PNLIP: variants seen among roughly 807,000 people sequenced by gnomAD.
PNLIP encodes pancreatic lipase.
Under a neutral mutation model 57.1 loss-of-function variants are expected in PNLIP, and 49 were observed. That is an observed-to-expected ratio of 0.86 (90% CI 0.68 to 1.09). The LOEUF (loss-of-function observed/expected upper bound fraction) is 1.09, where lower values mean the gene tolerates loss of function less well. PNLIP is among the 50% of genes least tolerant of loss of function. The probability of loss-of-function intolerance (pLI) is 0.00; values close to 1 mark genes in which losing one functional copy is unlikely to be tolerated. For missense variants in PNLIP, 503 were observed against 570.2 expected (o/e 0.88, Z 1.20); for synonymous variants, 209 against 200.4 (o/e 1.04, Z -0.36).
intron 9 of PNLIP, among the ~76,000 whole-genome samples, chr10:116,557,398 G>C (rs1305685931): frequency 6.6e-6 from 1 of 152,186 alleles, no homozygotes; most frequent in African/African-American, 2.4e-5. Flanking sequence ...GCTGGGGCCA[G>C]GTGATCTGGT....
chr10:116,548,226 G>A (rs1199383818), intron 3 of PNLIP, 134 bp from the exon 4 acceptor site: 2 of 760,862 alleles, frequency 2.6e-6, no homozygotes, highest in Non-Finnish European at 4.3e-6. Context: ...GAATACTGTG[G>A]TTGCTATGGA....
chr10:116,556,223 G>A, intron 9 of PNLIP, 105 bp downstream of exon 9: 3 of 690,330 alleles, frequency 4.3e-6, no homozygotes, highest in Non-Finnish European at 5.2e-6. Flanking sequence ...TTATACTTTT[G>A]AACTTATACA....
intron 4 of PNLIP, among the ~76,000 whole-genome samples, chr10:116,550,146 C>T (rs564168379): frequency 2.2e-3 from 326 of 150,094 alleles, no homozygotes; most frequent in Middle Eastern, 6.8e-3. Context: ...GCAAGCTCCG[C>T]CTCCCGGGTT....
At chr10:116,555,639 T>C (rs1312684328) in intron 8 of PNLIP, 132 bp downstream of exon 8, 1 of 1,052,298 alleles carries the variant, frequency 9.5e-7, no homozygotes, top group Non-Finnish European at 1.4e-6. Context: ...ATTGTATCCA[T>C]GAGATGTAGG....
chr10:116,546,571 G>A (rs1321549384), intron 2 of PNLIP, among the ~76,000 whole-genome samples: 1 of 152,104 alleles, frequency 6.6e-6, no homozygotes. Context: ...CTGCAAAATG[G>A]GGAGAGTCGG....
At position 116,546,119 on chromosome 10, in the gene PNLIP, G is replaced by A; in HGVS notation, c.27G>A (p.Leu9=). The A allele has an allele frequency of 6.2e-7, 1 of 1,613,624 alleles. No individual in the cohort carries two copies. Residue 9 remains leucine (L), a synonymous_variant, in exon 2 of 13, where the codon CTG becomes CTA. Coordinates refer to ENST00000369221, the MANE Select transcript of PNLIP (RefSeq NM_000936.4). MLPLWTLS[L]LLGAVAGKEV... ...TGCTGCCACTTTGGACTCTTTCACT[G>A]CTGCTGGGAGCAGTAGCAGGTAAGA... is the stretch of plus-strand genomic sequence containing the variant.
chr10:116,558,568 G>C (rs1847280812), intron 9 of PNLIP, among the ~76,000 whole-genome samples: 2 of 150,876 alleles, frequency 1.3e-5, no homozygotes, highest in Non-Finnish European at 2.9e-5. Context: ...AGGCAAAAGA[G>C]AAAAAATAGA....
Position 116,562,237 on chromosome 10 carries a change from A to G in PNLIP, c.1334+601A>G, listed in dbSNP as rs148006476. 6.3e-3 allele frequency among the ~76,000 whole-genome samples: 961 copies of G among 152,316 alleles called. 7 individuals are homozygous for G. Among genetic ancestry groups the G allele is most frequent in the African/African-American group, 0.022 (930 of 41,576 alleles). On this transcript the variant is annotated intron_variant, in intron 12 of 12. Coordinates refer to ENST00000369221, the MANE Select transcript of PNLIP (RefSeq NM_000936.4). The stretch of plus-strand genomic sequence containing the variant: ...CTGAGGCAAGCACTGTGCTTCTGTC[A>G]TTCTATCCTTCCATCCTCATAAAAA...
intron 4 of PNLIP, among the ~76,000 whole-genome samples, chr10:116,550,034 G>A (rs1847173615): frequency 7.5e-6 from 1 of 134,086 alleles, no homozygotes; most frequent in South Asian, 2.6e-4. Flanking sequence ...TTCTAAGATT[G>A]TTCCATTATT....
chr10:116,555,987 G>C lies in PNLIP; in HGVS notation c.812-13G>C. The C allele has an allele frequency of 6.7e-7, 1 of 1,485,758 alleles. No individual in the cohort carries two copies. Among genetic ancestry groups the C allele is most frequent in the Non-Finnish European group, 9.4e-7 (1 of 1,063,342 alleles). The allele number at this position is 1,485,758 out of a possible 1,614,324, so 92.0% of individuals were successfully genotyped here. ...AAATCTGTCCTTGATGTGTAATTGT[G>C]TCTGATTCAAAGGGACTCGAGACTT... is the stretch of plus-strand genomic sequence containing the variant. On this transcript the variant is annotated splice_polypyrimidine_tract_variant and intron_variant, in intron 8 of 12. Coordinates refer to ENST00000369221, the MANE Select transcript of PNLIP (RefSeq NM_000936.4).
At position 116,551,173 on chromosome 10, in the gene PNLIP, G is replaced by C; in HGVS notation, c.400G>C (p.Ala134Pro). 1.9e-6 allele frequency: 3 copies of C among 1,612,774 alleles called. No individual in the cohort carries two copies. Among genetic ancestry groups the C allele is most frequent in the Non-Finnish European group, 2.5e-6 (3 of 1,179,426 alleles). ...TGGCTCCCGAACTGGATACACACAA[G>C]CCTCGCAGAACATCAGGATCGTGGG... ...KGGSRTGYTQ[A>P]SQNIRIVGAE... Residue 134 changes from alanine (A) to proline (P), a missense_variant, in exon 5 of 13, where the codon GCC becomes CCC. Transcript: ENST00000369221.
chr10:116,545,979 C>T, intron 1 of PNLIP, 21 bp downstream of exon 1: 1 of 878,110 alleles, frequency 1.1e-6, no homozygotes, highest in South Asian at 1.5e-5. Flanking sequence ...AACATGTTTT[C>T]CAGGCCTAAT....
At chr10:116,550,967 G>A (rs1847184161) in intron 4 of PNLIP, 131 bp from the exon 5 acceptor site, 2 of 647,814 alleles carry the variant, frequency 3.1e-6, no homozygotes, top group Non-Finnish European at 4.8e-6. Flanking sequence ...TAAAAGTTTT[G>A]TCAATTGCAT....
At position 116,550,840 on chromosome 10, in the gene PNLIP, C is replaced by T. The variant is rs112208669; in HGVS notation, c.325-258C>T. On this transcript the variant is annotated intron_variant, in intron 4 of 12. Coordinates refer to ENST00000369221, the MANE Select transcript of PNLIP (RefSeq NM_000936.4). ...ACAGTTTATACACTTTTTTCTTGAA[C>T]TAAATGTCTCTGTATCTGCTACAGT... Among the ~76,000 whole-genome samples the T allele has an allele frequency of 3.7e-3, 558 of 152,270 alleles. 4 individuals carry two copies. Among genetic ancestry groups the T allele is most frequent in the African/African-American group, 0.013 (529 of 41,552 alleles).
intron 12 of PNLIP, among the ~76,000 whole-genome samples, chr10:116,564,420 G>A (rs935781860): frequency 6.6e-6 from 1 of 152,052 alleles, no homozygotes; most frequent in East Asian, 1.9e-4. Flanking sequence ...TGTTAACCTG[G>A]AATTTATACC....
rs1445702159 is a variant in PNLIP at position 116,567,755 on chromosome 10, A to G, written c.1355A>G (p.Glu452Gly). The G allele has an allele frequency of 6.2e-7, 1 of 1,613,968 alleles. No individual in the cohort carries two copies. Among genetic ancestry groups the G allele is most frequent in the Non-Finnish European group, 8.5e-7 (1 of 1,179,904 alleles). ...CACAGGTTCAACTTCTGTAGTCCAG[A>G]AACCGTCAGGGAGGAAGTTCTGCTC... ...VGKQFNFCSP[E>G]TVREEVLLTL... Residue 452 changes from glutamate to glycine, a missense_variant, in exon 13 of 13, where the codon GAA (glutamate) becomes GGA (glycine). Transcript: ENST00000369221.
chr10:116,561,403 A>T, intron 11 of PNLIP, 69 bp from the exon 12 acceptor site: 7 of 1,197,122 alleles, frequency 5.8e-6, no homozygotes, highest in Non-Finnish European at 8.3e-6. Flanking sequence ...ACTTACATAC[A>T]CACAAATATA....
chr10:116,549,911 A>G (rs1464032106), intron 4 of PNLIP, among the ~76,000 whole-genome samples: 1 of 152,168 alleles, frequency 6.6e-6, no homozygotes, highest in Non-Finnish European at 1.5e-5. Context: ...TTAAACTAGA[A>G]GGATAAAGGT....
chr10:116,546,913 G>C (rs982432537), intron 2 of PNLIP, among the ~76,000 whole-genome samples: 1 of 152,138 alleles, frequency 6.6e-6, no homozygotes, highest in Non-Finnish European at 1.5e-5. Context: ...TAAAATTTTA[G>C]CTCTCCTTTC....
Sources: allele counts gnomAD v4.1 joint callset (sites outside exome capture counted in the v4.1 genomes callset), GRCh38; gene constraint gnomAD v4.1.1; transcripts MANE v1.5; gene names NCBI Gene and HGNC (gene_info 2026-07-23, HGNC 2026-07-21).